The following SLC5A4 variants were observed in gnomAD, a reference collection of about 807,000 sequenced individuals.
The protein encoded by SLC5A4 is solute carrier family 5 member 4, also known as probable glucose sensor protein SLC5A4.
SLC5A4 carries 55 observed loss-of-function variants against 70.3 expected under a neutral mutation model. The observed-to-expected ratio is 0.78, with a 90% CI of 0.63 to 0.98. The LOEUF is 0.98. Ranked by LOEUF, SLC5A4 falls within the 50% of genes least tolerant of loss-of-function variation. The pLI, the probability that SLC5A4 is intolerant of heterozygous loss-of-function variation, is 0.00. For missense variants in SLC5A4, 735 were observed against 839.2 expected, an observed-to-expected ratio of 0.88 and a Z score of 1.53; for synonymous variants, 268 against 305.7, an observed-to-expected ratio of 0.88 and a Z score of 1.29.
the SLC5A4 span, among the ~76,000 whole-genome samples, chr22:32,310,097 A>G: frequency 6.6e-6 from 1 of 151,204 alleles, no homozygotes; most frequent in Non-Finnish European, 1.5e-5. Context: ...GGGTGGCAGA[A>G]GGAATGTCCT....
the SLC5A4 span, among the ~76,000 whole-genome samples, chr22:32,299,184 G>C: frequency 1.0e-4 from 9 of 86,628 alleles, no homozygotes; most frequent in Non-Finnish European, 1.6e-4. Flanking sequence ...TGTATTTCCT[G>C]AATCTGAACG....
chr22:32,220,032 AACACACACACAC>A (rs3069413), intron 14 of SLC5A4, among the ~76,000 whole-genome samples: 6 of 149,682 alleles, frequency 4.0e-5, no homozygotes, highest in Non-Finnish European at 5.9e-5. Context: ...TAAGATGTGC[AACACACACACAC>A]ACACACACAC....
chr22:32,316,934 C>G, the SLC5A4 span, among the ~76,000 whole-genome samples: 219 of 148,728 alleles, frequency 1.5e-3, no homozygotes, highest in African/African-American at 5.1e-3. Flanking sequence ...ATTAACAACT[C>G]TGTGTGTGTG....
chr22:32,343,866 T>C, the SLC5A4 span, among the ~76,000 whole-genome samples: 1 of 152,248 alleles, frequency 6.6e-6, no homozygotes, highest in Non-Finnish European at 1.5e-5. Context: ...AGCAGAATCA[T>C]TCCACTGGTT....
chr22:32,246,726 C>G (rs1192727269), intron 5 of SLC5A4, among the ~76,000 whole-genome samples: 1 of 151,974 alleles, frequency 6.6e-6, no homozygotes, highest in Non-Finnish European at 1.5e-5. Flanking sequence ...TGGGGTTTTA[C>G]CATGTTGGCC....
chr22:32,247,373 C>T, intron 5 of SLC5A4, 38 bp downstream of exon 5: 5 of 1,314,894 alleles, frequency 3.8e-6, no homozygotes, highest in Non-Finnish European at 4.4e-6. Flanking sequence ...ATCTGACCAA[C>T]CTCTTGAAGC....
the SLC5A4 span, among the ~76,000 whole-genome samples, chr22:32,292,229 A>G: frequency 4.3e-5 from 3 of 69,226 alleles, 1 homozygote; most frequent in Non-Finnish European, 7.7e-5. Flanking sequence ...TATATTCTAT[A>G]TATTATATAT....
At chr22:32,257,324 G>A (rs969970839), upstream of SLC5A4, among the ~76,000 whole-genome samples, 3 of 152,174 alleles carry the variant, frequency 2.0e-5, no homozygotes, top group African/African-American at 7.2e-5. Context: ...ATAGCCTTAT[G>A]TTGTATTTTT....
chr22:32,322,179 A>C, the SLC5A4 span, among the ~76,000 whole-genome samples: 1 of 152,224 alleles, frequency 6.6e-6, no homozygotes, highest in South Asian at 2.1e-4. Context: ...TGACTCGACC[A>C]TGAGGCTGAA....
chr22:32,310,395 T>G, the SLC5A4 span, among the ~76,000 whole-genome samples: 3 of 152,160 alleles, frequency 2.0e-5, no homozygotes, highest in Non-Finnish European at 4.4e-5. Context: ...ATCTGGGTCT[T>G]GGGCCCCCAC....
chr22:32,219,630 C>CAAAAAAAAAAAAAAAAAAAAAAAAATAAA, intron 14 of SLC5A4, among the ~76,000 whole-genome samples: 1 of 28,880 alleles, frequency 3.5e-5, no homozygotes, highest in Non-Finnish European at 5.4e-5. Flanking sequence ...TCCAACTTAG[C>CAAAAAAAAAAAAAAAAAAAAAAAAATAAA]AAAAAAAAAA....
chr22:32,254,360 T>A (rs1015117453), intron 1 of SLC5A4, 147 bp from the exon 2 acceptor site: 2 of 635,430 alleles, frequency 3.1e-6, no homozygotes, highest in African/African-American at 3.7e-5. Flanking sequence ...TAGCATCAAA[T>A]TTTAAAGGAC....
chr22:32,340,544 G>A, the SLC5A4 span, among the ~76,000 whole-genome samples: 68 of 152,244 alleles, frequency 4.5e-4, 1 homozygote, highest in Non-Finnish European at 4.4e-5. Flanking sequence ...GCTGAAGGAG[G>A]ACAAAGGGAG....
chr22:32,221,138 A>C (rs1925058265), intron 13 of SLC5A4, 116 bp from the exon 14 acceptor site: 1 of 585,588 alleles, frequency 1.7e-6, no homozygotes, highest in Admixed American at 2.9e-5. Context: ...CATACAGGAG[A>C]ATATAGATCA....
chr22:32,347,315 G>C, the SLC5A4 span, among the ~76,000 whole-genome samples: 2 of 152,162 alleles, frequency 1.3e-5, no homozygotes, highest in Non-Finnish European at 2.9e-5. Context: ...CACGGATCTA[G>C]AACTAGAAAT....
the SLC5A4 span, among the ~76,000 whole-genome samples, chr22:32,309,290 G>T: frequency 2.0e-5 from 3 of 152,224 alleles, no homozygotes; most frequent in Non-Finnish European, 2.9e-5. Flanking sequence ...TTCCCAGTGA[G>T]AAACAGTCCT....
the SLC5A4 span, among the ~76,000 whole-genome samples, chr22:32,334,073 C>A: frequency 6.7e-6 from 1 of 149,528 alleles, no homozygotes; most frequent in Non-Finnish European, 1.5e-5. Flanking sequence ...TATACACACA[C>A]TATGCCAGAC....
At chr22:32,292,697 A>G in the SLC5A4 span, among the ~76,000 whole-genome samples, 1 of 152,178 alleles carries the variant, frequency 6.6e-6, no homozygotes, top group Non-Finnish European at 1.5e-5. Flanking sequence ...ATTATACAGT[A>G]TAACATAACT....
upstream of SLC5A4, among the ~76,000 whole-genome samples, chr22:32,259,832 C>T (rs1030794673): frequency 4.6e-5 from 7 of 152,120 alleles, no homozygotes; most frequent in African/African-American, 1.7e-4. Flanking sequence ...AAGGGCTTTT[C>T]AATTTTTTTG....
Sources: gnomAD v4.1 joint callset for allele counts (sites outside exome capture counted in the v4.1 genomes callset) on GRCh38, gnomAD v4.1.1 for gene constraint, MANE v1.5 for transcripts, NCBI Gene and HGNC (gene_info 2026-07-23, HGNC 2026-07-21) for gene names.